PTPRB: variants seen among roughly 807,000 people sequenced by gnomAD.
PTPRB encodes the protein receptor-type tyrosine-protein phosphatase beta.
In PTPRB, 97 loss-of-function variants were observed where a neutral mutation model predicts 238.1. The observed-to-expected ratio is 0.41, with a 90% CI of 0.35 to 0.48. The LOEUF (loss-of-function observed/expected upper bound fraction) is 0.48, where lower values mean the gene tolerates loss of function less well. PTPRB is among the 20% of genes least tolerant of loss of function. The pLI is 0.30. For missense variants in PTPRB, 2,292 were observed against 2,681.9 expected (o/e 0.85, Z 3.21); for synonymous variants, 970 against 995.4 (o/e 0.97, Z 0.48).
Position 70,559,544 on chromosome 12 carries a change from A to T in PTPRB, c.4513T>A (p.Trp1505Arg). ...LAITWKGPPDWTDYNDFELQW... is the reference protein window; with the variant it reads ...LAITWKGPPDRTDYNDFELQW... ...AGCTCAAAGTCGTTGTAGTCTGTCC[A>T]GTCTGGGGGCCCTTTCCACGTGATG... The change falls in exon 18 of 34, where the codon TGG (tryptophan) becomes AGG (arginine). Residue 1505 changes from tryptophan to arginine, a missense_variant. Transcript: ENST00000334414. 3.1e-6 allele frequency: 5 copies of T among 1,613,944 alleles called. No individual in the cohort carries two copies. The highest frequency in any genetic ancestry group is 4.2e-6 in the Non-Finnish European group (5 of 1,179,832).
At chr12:70,608,908 G>T in intron 4 of PTPRB, 161 bp downstream of exon 4, 1 of 1,047,514 alleles carries the variant, frequency 9.5e-7, no homozygotes, top group Non-Finnish European at 1.4e-6. Flanking sequence ...GCTGCTTCTG[G>T]CTAGATCCGA....
In PTPRB at chr12:70,555,273, T is replaced by A. The variant is rs201121264; in HGVS notation, c.5030A>T (p.Glu1677Val). 8.1e-6 allele frequency: 13 copies of A among 1,613,244 alleles called. No homozygotes were observed. Among genetic ancestry groups the A allele is most frequent in the Non-Finnish European group, 1.1e-5 (13 of 1,179,790 alleles). Reference sequence around the variant, plus strand: ...AGACTTGCTAATTAGCACATCCTTTTCATTCACACGAATGTGTGGGGGTGG... The same window carrying A: ...AGACTTGCTAATTAGCACATCCTTTACATTCACACGAATGTGTGGGGGTGG... Reference protein sequence around the residue: ...PPPPPHIRVNEKDVLISKSSI... With the variant: ...PPPPPHIRVNVKDVLISKSSI... Residue 1677 changes from glutamate (E) to valine (V), a missense_variant, in exon 20 of 34, where the codon GAA (glutamate) becomes GTA (valine). Glu to Val is a moderately radical substitution (Grantham distance 121, BLOSUM62 -2). Transcript: ENST00000334414.
chr12:70,538,220 G>A lies in PTPRB; in HGVS notation c.5881C>T (p.Arg1961Ter). ...YNNILPYDATRVKLSNVDDDP... is the reference protein window; with the variant it reads ...YNNILPYDAT ...TCATCTACATTGGAGAGCTTCACTC[G>A]CGTGGCATCATCTGGAAGGAGAGAT... The change falls in exon 28 of 34, where the codon CGA (arginine) becomes TGA (stop). Residue 1961 changes from arginine (R) to a stop codon, truncating the protein, a stop_gained. Transcript: ENST00000334414. LOFTEE classifies it high-confidence loss of function. 4 of 1,613,338 alleles carry A rather than the reference G, an allele frequency of 2.5e-6. No homozygotes were observed. The highest frequency in any genetic ancestry group is 2.2e-5 in the East Asian group (1 of 44,860).
In PTPRB at chr12:70,534,852, C is replaced by T. The variant is rs987935972; in HGVS notation, c.6185G>A (p.Arg2062Gln). Residue 2062 changes from arginine (R) to glutamine (Q), a missense_variant, in exon 30 of 34, where the codon CGG (arginine) becomes CAG (glutamine). Physicochemically the swap from Arg to Gln is conservative, Grantham distance 43. This residue lies in a region of PTPRB where 397 missense variants were observed against 502.0 expected (regional missense o/e 0.79). Transcript: ENST00000334414. ...SESVLPEWTI[R>Q]EFKICGEEQL... Reference sequence around the variant, plus strand: ...ACATACACCGCATATCTTAAACTCCCGGATGGTCCACTCAGGCAGGACGGA... The same window carrying T: ...ACATACACCGCATATCTTAAACTCCTGGATGGTCCACTCAGGCAGGACGGA... The T allele has an allele frequency of 2.1e-5, 34 of 1,613,776 alleles. No individual in the cohort carries two copies. The highest frequency in any genetic ancestry group is 2.8e-5 in the Non-Finnish European group (33 of 1,179,868).
chr12:70,565,674 C>T (rs1879198919), intron 15 of PTPRB, among the ~76,000 whole-genome samples: 1 of 152,200 alleles, frequency 6.6e-6, no homozygotes, highest in Admixed American at 6.5e-5. Flanking sequence ...GTCAACATAA[C>T]CATCCCCGCC....
intron 15 of PTPRB, among the ~76,000 whole-genome samples, chr12:70,563,813 T>C (rs1878841345): frequency 6.6e-6 from 1 of 152,160 alleles, no homozygotes; most frequent in African/African-American, 2.4e-5. Context: ...ACATCCCAGG[T>C]GAAAACTCTG....
At chr12:70,584,743 A>G (rs753095999) in intron 9 of PTPRB, among the ~76,000 whole-genome samples, 25 of 152,176 alleles carry the variant, frequency 1.6e-4, no homozygotes, top group African/African-American at 4.8e-4. Flanking sequence ...GAAACTCTCA[A>G]TGAAGAAATT....
intron 19 of PTPRB, 61 bp downstream of exon 19, chr12:70,555,809 G>C: frequency 6.4e-7 from 1 of 1,564,022 alleles, no homozygotes; most frequent in South Asian, 1.2e-5. Context: ...GATAGAGAAA[G>C]GTGCACAGCC....
At chr12:70,567,085 T>C (rs949583819) in intron 14 of PTPRB, among the ~76,000 whole-genome samples, 1 of 152,218 alleles carries the variant, frequency 6.6e-6, no homozygotes, top group African/African-American at 2.4e-5. Flanking sequence ...GTTTAGACTT[T>C]TATTACTAAC....
intron 2 of PTPRB, among the ~76,000 whole-genome samples, chr12:70,629,852 T>C (rs1236762975): frequency 6.6e-6 from 1 of 152,118 alleles, no homozygotes; most frequent in African/African-American, 2.4e-5. Context: ...CTAGAAGAAA[T>C]GGATACATTC....
rs181422656 is a variant in PTPRB, at chr12:70,583,664, T to C, written c.2312-2362A>G. ...GAAAACGATTTCCTCTGAGAACTCA[T>C]AACCTTAAGATAGTTTCAATGTGTT... is the stretch of plus-strand genomic sequence containing the variant. On this transcript the variant is annotated intron_variant, in intron 9 of 33. Coordinates refer to ENST00000334414, the MANE Select transcript of PTPRB (RefSeq NM_001109754.4). Among the ~76,000 whole-genome samples, 16 of 152,254 alleles carry C rather than the reference T, an allele frequency of 1.1e-4. No individual in the cohort carries two copies. The East Asian group carries it at 2.3e-3, about 22-fold the overall frequency.
chr12:70,586,841 A>G (rs79724361), intron 9 of PTPRB, among the ~76,000 whole-genome samples, 166 bp downstream of exon 9: 1,822 of 152,358 alleles, frequency 0.012, 44 homozygotes, highest in African/African-American at 0.04. Flanking sequence ...GAACTAATAA[A>G]GATAAGAACT....
chr12:70,587,751 T>C (rs1882064088), intron 8 of PTPRB, among the ~76,000 whole-genome samples: 1 of 152,152 alleles, frequency 6.6e-6, no homozygotes, highest in Admixed American at 6.5e-5. Context: ...TGAGGACTTA[T>C]CTCAAAATTG....
chr12:70,542,179 G>T (rs1027887188), intron 22 of PTPRB: 4 of 152,128 alleles, frequency 2.6e-5, no homozygotes, highest in Non-Finnish European at 4.4e-5. Context: ...ATTTTGATTT[G>T]CATTTCCCTA....
chr12:70,590,420 A>T (rs1413921888), intron 7 of PTPRB, among the ~76,000 whole-genome samples, 187 bp from the exon 8 acceptor site: 2 of 152,118 alleles, frequency 1.3e-5, no homozygotes, highest in African/African-American at 4.8e-5. Context: ...CACACAAGAA[A>T]TGTCCGCTAA....
At position 70,609,074 on chromosome 12, in the gene PTPRB, T is replaced by C; in HGVS notation, c.974A>G (p.Gln325Arg). 6.2e-7 allele frequency: 1 copy of C among 1,614,020 alleles called. No individual in the cohort carries two copies. Among genetic ancestry groups the C allele is most frequent in the Non-Finnish European group, 8.5e-7 (1 of 1,179,874 alleles). Residue 325 changes from glutamine to arginine, a missense_variant, in exon 4 of 34, where the codon CAA (glutamine) becomes CGA (arginine). Around this residue, in one of 4 missense-constraint regions of PTPRB, gnomAD observed 1,205 missense variants for 1,287.8 expected, o/e 0.94. Transcript: ENST00000334414. The stretch of plus-strand genomic sequence containing the variant: ...TTGCACCTGTCATCCTTTACCTGTT[T>C]GCAAGACCACTGTTCTCTCTTCATC... ...SLDEERTVVL[Q>R]TDPLPPARFG...
intron 3 of PTPRB, among the ~76,000 whole-genome samples, chr12:70,619,974 G>C (rs1884854375): frequency 6.6e-6 from 1 of 152,150 alleles, no homozygotes; most frequent in Non-Finnish European, 1.5e-5. Flanking sequence ...TAAAGCTCTT[G>C]CTAAATCAAA....
intron 18 of PTPRB, among the ~76,000 whole-genome samples, chr12:70,558,080 T>TA (rs1262709251): frequency 2.0e-5 from 3 of 152,208 alleles, no homozygotes; most frequent in Admixed American, 6.5e-5. Context: ...CCTCTCTATG[T>TA]AAGTAAAGCT....
intron 11 of PTPRB, 65 bp downstream of exon 11, chr12:70,576,317 C>A: frequency 1.3e-6 from 2 of 1,523,920 alleles, no homozygotes; most frequent in Non-Finnish European, 1.8e-6. Context: ...TGCTACAGCT[C>A]TGTGGTGCCC....
Sources: allele counts gnomAD v4.1 joint callset (sites outside exome capture counted in the v4.1 genomes callset), GRCh38; gene constraint gnomAD v4.1.1; regional missense constraint gnomAD v4.1.1; transcripts MANE v1.5; gene names NCBI Gene and HGNC (gene_info 2026-07-23, HGNC 2026-07-21).